Variants in NBAS observed in about 807,000 individuals in gnomAD.
NBAS encodes NBAS subunit of NRZ tethering complex, also known as NAG/BC035112 fusion.
NBAS carries 219 observed loss-of-function variants against 302.5 expected under a neutral mutation model. The ratio of observed to expected loss-of-function variants is 0.72; its 90% CI spans 0.65 to 0.81. NBAS has a LOEUF of 0.81. Ranked by LOEUF, NBAS falls within the 30% of genes least tolerant of loss-of-function variation. NBAS has a pLI of 0.00. For synonymous variants in NBAS, 1,118 were observed against 1,021.6 expected (o/e 1.09, Z -1.80); for missense variants, 2,932 against 2,841.6 (o/e 1.03, Z -0.72).
At chr2:15,386,986 A>G (rs527297735) in intron 28 of NBAS, among the ~76,000 whole-genome samples, 2 of 152,332 alleles carry the variant, frequency 1.3e-5, no homozygotes, top group East Asian at 3.9e-4. Context: ...GACATCAAGC[A>G]TAATACTGAC....
At chr2:14,889,495 C>A in the NBAS span, among the ~76,000 whole-genome samples, 4 of 152,298 alleles carry the variant, frequency 2.6e-5, no homozygotes, top group East Asian at 7.7e-4. Flanking sequence ...GACTTCCCTG[C>A]CACCAAAAGG....
chr2:14,950,910 T>C, the NBAS span, among the ~76,000 whole-genome samples: 1 of 152,234 alleles, frequency 6.6e-6, no homozygotes, highest in Admixed American at 6.5e-5. Context: ...GCTTTGTCCC[T>C]GTAGTTCTTG....
the NBAS span, among the ~76,000 whole-genome samples, chr2:15,024,374 C>T: frequency 6.6e-6 from 1 of 151,996 alleles, no homozygotes; most frequent in Admixed American, 6.6e-5. Context: ...ATCCAGTCTT[C>T]TGTCGATGGC....
chr2:14,847,165 C>T, the NBAS span, among the ~76,000 whole-genome samples: 9 of 151,906 alleles, frequency 5.9e-5, no homozygotes, highest in South Asian at 2.1e-4. Flanking sequence ...GGGTAGATCA[C>T]GAGGTCAGGA....
chr2:15,175,349 G>A (rs1664486289), intron 51 of NBAS, among the ~76,000 whole-genome samples: 2 of 152,268 alleles, frequency 1.3e-5, no homozygotes, highest in East Asian at 1.9e-4. Flanking sequence ...GTTGCATAGA[G>A]GCATTGAGCA....
chr2:15,375,653 T>C (rs990327751), intron 30 of NBAS, among the ~76,000 whole-genome samples: 1 of 152,182 alleles, frequency 6.6e-6, no homozygotes, highest in Admixed American at 6.5e-5. Flanking sequence ...TTTTACATTT[T>C]TTACTCTAGA....
chr2:15,258,629 T>C (rs1668710825), intron 44 of NBAS, among the ~76,000 whole-genome samples: 1 of 152,126 alleles, frequency 6.6e-6, no homozygotes, highest in Admixed American at 6.5e-5. Context: ...CTTACTAGGA[T>C]TGGGGAACCT....
At chr2:15,455,802 G>A (rs901089585) in intron 21 of NBAS, among the ~76,000 whole-genome samples, 3 of 88,626 alleles carry the variant, frequency 3.4e-5, no homozygotes, top group African/African-American at 1.1e-4. Flanking sequence ...TATTTCAACA[G>A]ACAACTGTTC....
intron 48 of NBAS, among the ~76,000 whole-genome samples, chr2:15,193,025 C>G (rs565390229): frequency 6.6e-6 from 1 of 152,188 alleles, no homozygotes; most frequent in South Asian, 2.1e-4. Context: ...GAAAAGAGAA[C>G]AGAAACTATA....
chr2:14,934,768 G>T, the NBAS span, among the ~76,000 whole-genome samples: 1 of 152,042 alleles, frequency 6.6e-6, no homozygotes, highest in Non-Finnish European at 1.5e-5. Flanking sequence ...TAGAAGTGTT[G>T]TATTTTGTCT....
intron 35 of NBAS, among the ~76,000 whole-genome samples, chr2:15,345,683 A>C (rs912329695): frequency 6.6e-6 from 1 of 152,160 alleles, no homozygotes. Context: ...ATCAAAGGAG[A>C]CCCCATCTAG....
intron 17 of NBAS, 48 bp from the exon 18 acceptor site, chr2:15,467,852 C>T (rs368596116): frequency 8.8e-5 from 127 of 1,436,392 alleles, no homozygotes; most frequent in African/African-American, 4.4e-4. Flanking sequence ...TTAAAAACTT[C>T]GTGTTGTGAA....
chr2:15,274,811 C>G (rs970215011), intron 44 of NBAS, among the ~76,000 whole-genome samples: 1 of 152,062 alleles, frequency 6.6e-6, no homozygotes, highest in African/African-American at 2.4e-5. Flanking sequence ...GTCACCCAGG[C>G]TGGAGTGCAG....
the NBAS span, among the ~76,000 whole-genome samples, chr2:14,989,293 A>ATGTGTGTGTATGTGTGTGTGTGTG: frequency 7.4e-5 from 11 of 148,124 alleles, no homozygotes; most frequent in African/African-American, 2.7e-4. Flanking sequence ...ATGTATGTGT[A>ATGTGTGTGTATGTGTGTGTGTGTG]TGTGTGTGTG....
intron 38 of NBAS, among the ~76,000 whole-genome samples, chr2:15,321,058 T>C (rs1007551457): frequency 6.6e-6 from 1 of 152,034 alleles, no homozygotes; most frequent in Admixed American, 6.5e-5. Context: ...TATAGACCAA[T>C]GGAACAGAAC....
chr2:15,167,021 G>T lies in NBAS; in HGVS notation c.*27C>A. The T allele has an allele frequency of 6.6e-7, 1 of 1,510,876 alleles. No homozygotes were observed. The highest frequency in any genetic ancestry group is 8.9e-7 in the Non-Finnish European group (1 of 1,129,148). The allele number at this position is 1,510,876 out of a possible 1,614,324, so 93.6% of individuals were successfully genotyped here. ...GCATTCAACTCCAGATGCTTTTTCT[G>T]CTAAGGAGCAGGGCCACAGGTGGCC... On this transcript the variant is annotated 3_prime_UTR_variant, in exon 52 of 52. Coordinates refer to ENST00000281513, the MANE Select transcript of NBAS (RefSeq NM_015909.4).
chr2:14,905,242 A>G, the NBAS span, among the ~76,000 whole-genome samples: 3 of 152,192 alleles, frequency 2.0e-5, no homozygotes, highest in Non-Finnish European at 4.4e-5. Flanking sequence ...ACATCTTTCA[A>G]TCCAATCAAG....
chr2:15,189,254 A>C (rs1205294781), intron 49 of NBAS, among the ~76,000 whole-genome samples: 3 of 152,206 alleles, frequency 2.0e-5, no homozygotes, highest in African/African-American at 4.8e-5. Context: ...TTCTGAAAAC[A>C]CTTGGTTAAA....
the NBAS span, among the ~76,000 whole-genome samples, chr2:14,885,740 C>T: frequency 6.6e-6 from 1 of 151,954 alleles, no homozygotes; most frequent in Non-Finnish European, 1.5e-5. Flanking sequence ...AAGCAGAGGC[C>T]TACGAGGTAG....
Sources: allele counts gnomAD v4.1 joint callset (sites outside exome capture counted in the v4.1 genomes callset), GRCh38; gene constraint gnomAD v4.1.1; transcripts MANE v1.5; gene names NCBI Gene and HGNC (gene_info 2026-07-23, HGNC 2026-07-21).